Variants in CCDC112 observed in about 807,000 individuals in gnomAD.
CCDC112 encodes coiled-coil domain-containing protein 112.
A neutral mutation model predicts 66.3 loss-of-function variants in CCDC112; 40 were observed. The observed-to-expected ratio is 0.60, with a 90% CI of 0.47 to 0.79. The LOEUF (loss-of-function observed/expected upper bound fraction) is 0.79, where lower values mean the gene tolerates loss of function less well. Among genes scored for constraint, CCDC112 ranks in the 30% least tolerant of loss-of-function variants. CCDC112 has a pLI of 0.00. For missense variants in CCDC112, 659 were observed against 603.8 expected (o/e 1.09, Z -0.96); for synonymous variants, 214 against 197.2 (o/e 1.09, Z -0.71).
At chr5:115,296,218 C>A in intron 1 of CCDC112, 3 of 1,281,110 alleles carry the variant, frequency 2.3e-6, no homozygotes, top group Non-Finnish European at 3.0e-6. Context: ...CCACCCAGGT[C>A]TTCCTCGACT....
rs1750160113 is a variant in CCDC112, at chr5:115,296,414, C to G, written c.117+13G>C. On this transcript the variant is annotated intron_variant, in intron 1 of 9. Transcript: ENST00000379611. ...CCTGCCGCCAGAGCAGCTCTCGGTT[C>G]TCCCGGATTTACCTGTTGAGGCGCT... The G allele has an allele frequency of 6.4e-7, 1 of 1,567,018 alleles. No individual in the cohort carries two copies. Among genetic ancestry groups the G allele is most frequent in the African/African-American group, 1.4e-5 (1 of 70,926 alleles).
At chr5:115,283,417 A>AT (rs962919427) in intron 2 of CCDC112, among the ~76,000 whole-genome samples, 6 of 152,110 alleles carry the variant, frequency 3.9e-5, no homozygotes, top group African/African-American at 1.4e-4. Context: ...TTCACTTAAC[A>AT]TAATGAAAAT....
At chr5:115,289,250 G>A (rs1749817094) in intron 1 of CCDC112, 1 of 169,464 alleles carries the variant, frequency 5.9e-6, no homozygotes. Context: ...TGTAGGAGCA[G>A]GTTTAGATGA....
chr5:115,281,333 G>A (rs746091834), intron 2 of CCDC112, among the ~76,000 whole-genome samples: 1 of 152,108 alleles, frequency 6.6e-6, no homozygotes, highest in Non-Finnish European at 1.5e-5. Flanking sequence ...CGCCCATAGA[G>A]AAAAATTTAA....
At chr5:115,291,043 A>C (rs944368401) in intron 1 of CCDC112, among the ~76,000 whole-genome samples, 1 of 152,008 alleles carries the variant, frequency 6.6e-6, no homozygotes, top group African/African-American at 2.4e-5. Context: ...AGAGTGGACA[A>C]TTTTGCCTTG....
At chr5:115,294,852 G>A (rs9326956) in intron 1 of CCDC112, among the ~76,000 whole-genome samples, 30,239 of 152,138 alleles carry the variant, frequency 0.2, 3,448 homozygotes, top group Middle Eastern at 0.37. Context: ...ATAGCATGCA[G>A]TAATGCTGCA....
At chr5:115,296,224 C>A (rs1350767500) in intron 1 of CCDC112, 6 of 1,280,588 alleles carry the variant, frequency 4.7e-6, no homozygotes, top group African/African-American at 3.1e-5. Context: ...AGGTCTTCCT[C>A]GACTCCGAAA....
Position 115,271,342 on chromosome 5 carries a change from T to C in CCDC112, c.1203A>G (p.Leu401=), listed in dbSNP as rs202145172. 8.7e-4 allele frequency: 1,396 copies of C among 1,612,992 alleles called. 17 individuals are homozygous for C. In the South Asian group the frequency reaches 0.012, roughly 13 times the overall value. ...CTTTCTTCTGCTGGGTATAACTTTC[T>C]AGTAGTAATTTTAACTTAAACTGGC... ...RQRQFKLKLL[L]ESYTQQKKEQ... The change falls in exon 7 of 10, where the codon CTA becomes CTG. Residue 401 remains leucine, a synonymous_variant. Coordinates refer to ENST00000379611, the MANE Select transcript of CCDC112 (RefSeq NM_001040440.3).
chr5:115,293,581 G>A lies in CCDC112; in HGVS notation c.117+2846C>T, dbSNP rs148317087. Reference sequence around the variant, plus strand: ...GAACCACCTTAATTCCTTGGCTAATGGCCCCTTCCTCACATCACTCCATCC... The same window carrying A: ...GAACCACCTTAATTCCTTGGCTAATAGCCCCTTCCTCACATCACTCCATCC... On this transcript the variant is annotated intron_variant, in intron 1 of 9. Coordinates refer to ENST00000379611, the MANE Select transcript of CCDC112 (RefSeq NM_001040440.3). Among the ~76,000 whole-genome samples the A allele has an allele frequency of 2.2e-3, 340 of 152,120 alleles. 2 individuals are homozygous for A. Among genetic ancestry groups the A allele is most frequent in the African/African-American group, 7.3e-3 (301 of 41,502 alleles).
At chr5:115,283,775 G>C (rs1243965624) in intron 2 of CCDC112, among the ~76,000 whole-genome samples, 1 of 152,064 alleles carries the variant, frequency 6.6e-6, no homozygotes, top group African/African-American at 2.4e-5. Context: ...CTGACCCAGA[G>C]ACCATTCCTT....
chr5:115,269,925 C>A, intron 7 of CCDC112, 127 bp from the exon 8 acceptor site: 1 of 586,914 alleles, frequency 1.7e-6, no homozygotes, highest in Non-Finnish European at 2.9e-6. Context: ...TTCTTTCCAA[C>A]AAAGCCTAAG....
chr5:115,283,861 T>A (rs1384230696), intron 2 of CCDC112, among the ~76,000 whole-genome samples: 4 of 152,140 alleles, frequency 2.6e-5, no homozygotes. Flanking sequence ...GATAAAGCTC[T>A]CAACTGTAGG....
chr5:115,268,859 C>T (rs1427510193), intron 9 of CCDC112, 23 bp downstream of exon 9: 3 of 1,349,268 alleles, frequency 2.2e-6, no homozygotes. Flanking sequence ...ACTAAATGAA[C>T]ACCAATTCTA....
chr5:115,274,342 T>C (rs1749116114), intron 6 of CCDC112, among the ~76,000 whole-genome samples: 1 of 152,216 alleles, frequency 6.6e-6, no homozygotes, highest in Non-Finnish European at 1.5e-5. Context: ...AATCCTGATC[T>C]AATGCAAAGC....
At chr5:115,271,760 CTTTGT>C (rs1749011253) in intron 6 of CCDC112, 134 bp from the exon 7 acceptor site, 4 of 621,584 alleles carry the variant, frequency 6.4e-6, no homozygotes, top group Non-Finnish European at 1.0e-5. Flanking sequence ...GGTTTTTCAG[CTTTGT>C]TTTAACCATT....
At chr5:115,289,680 T>C (rs1288801220) in intron 1 of CCDC112, among the ~76,000 whole-genome samples, 3 of 152,192 alleles carry the variant, frequency 2.0e-5, no homozygotes. Context: ...TTTGCAAGTA[T>C]TTTCTCCCAT....
intron 6 of CCDC112, among the ~76,000 whole-genome samples, 177 bp downstream of exon 6, chr5:115,275,039 G>T (rs747923664): frequency 6.6e-6 from 1 of 152,136 alleles, no homozygotes; most frequent in Non-Finnish European, 1.5e-5. Flanking sequence ...CACTGTGCCT[G>T]GCTAAAATTA....
At chr5:115,288,992 C>T (rs1160059438) in intron 1 of CCDC112, 1 of 283,624 alleles carries the variant, frequency 3.5e-6, no homozygotes, top group Non-Finnish European at 6.8e-6. Context: ...AGATTGGCTT[C>T]CTTTTTTTTT....
chr5:115,281,015 T>C (rs1184934041), intron 2 of CCDC112, among the ~76,000 whole-genome samples: 2 of 150,324 alleles, frequency 1.3e-5, no homozygotes, highest in African/African-American at 4.9e-5. Context: ...CACTTTGCCA[T>C]ACATAGAGAA....
Sources: allele counts gnomAD v4.1 joint callset (sites outside exome capture counted in the v4.1 genomes callset), GRCh38; gene constraint gnomAD v4.1.1; transcripts MANE v1.5; gene names NCBI Gene and HGNC (gene_info 2026-07-23, HGNC 2026-07-21).